NT5DC4: variants seen among roughly 807,000 people sequenced by gnomAD.
NT5DC4 encodes the protein 5'-nucleotidase domain containing 4.
A neutral mutation model predicts 26.6 loss-of-function variants in NT5DC4; 44 were observed. That is an observed-to-expected ratio of 1.65 (90% confidence interval 1.30 to 2.13). The LOEUF is 2.13. NT5DC4 is among the 30% of genes most tolerant of loss of function. The pLI is 0.00. For synonymous variants in NT5DC4, 157 were observed against 86.7 expected, an observed-to-expected ratio of 1.81 and a Z score of -4.51; for missense variants, 399 against 228.1, an observed-to-expected ratio of 1.75 and a Z score of -4.83.
At position 112,722,649 on chromosome 2, in the gene NT5DC4, C is replaced by G; in HGVS notation, c.469+60C>G. On this transcript the variant is annotated intron_variant, in intron 5 of 16. Coordinates refer to ENST00000688554, the MANE Select transcript of NT5DC4 (RefSeq NM_001393655.1). Reference sequence around the variant, plus strand: ...TGAGTTCCGGAGCTGAGGGTCCCAGCTCTGTCCTGGTGGAGAACTGTCTGG... The same window carrying G: ...TGAGTTCCGGAGCTGAGGGTCCCAGGTCTGTCCTGGTGGAGAACTGTCTGG... The G allele has an allele frequency of 4.2e-6, 3 of 717,454 alleles. No homozygotes were observed. In the South Asian group the frequency reaches 4.4e-5, roughly 11 times the overall value. 44.4% of individuals were successfully genotyped at this position (717,454 alleles called of 1,614,324 possible).
downstream of NT5DC4, chr2:112,741,117 T>A: frequency 1.3e-6 from 1 of 743,304 alleles, no homozygotes; most frequent in East Asian, 2.5e-5. Context: ...GTGATCTTCA[T>A]GGGCTCCACA....
At chr2:112,733,077 G>A (rs1333487978) in intron 16 of NT5DC4, among the ~76,000 whole-genome samples, 1 of 152,078 alleles carries the variant, frequency 6.6e-6, no homozygotes, top group African/African-American at 2.4e-5. Flanking sequence ...GGAAAGGGCA[G>A]GACAAAGAAT....
chr2:112,718,974 C>T (rs62157390), upstream of NT5DC4, among the ~76,000 whole-genome samples: 21,972 of 152,222 alleles, frequency 0.14, 2,123 homozygotes, highest in East Asian at 0.51. Context: ...AAACACATAT[C>T]CTACAGCCTC....
At chr2:112,733,607 G>A (rs938093721) in intron 16 of NT5DC4, among the ~76,000 whole-genome samples, 3 of 152,236 alleles carry the variant, frequency 2.0e-5, no homozygotes, top group African/African-American at 4.8e-5. Flanking sequence ...CCACATGGAC[G>A]AGGCTGCCTC....
intron 13 of NT5DC4, among the ~76,000 whole-genome samples, chr2:112,725,964 T>G (rs1418987919): frequency 6.6e-6 from 1 of 151,500 alleles, no homozygotes; most frequent in African/African-American, 2.4e-5. Context: ...AATTTGGGCT[T>G]TGTCCTGAGA....
chr2:112,735,489 C>A lies in NT5DC4; in HGVS notation c.1345-3424C>A, dbSNP rs912782062. ...AGATGCTATATATAATCCTCCCCCCCCTTTTTTTCTTTCTTTAAAACTTGC... is the reference window on the plus strand; with the variant it reads ...AGATGCTATATATAATCCTCCCCCCACTTTTTTTCTTTCTTTAAAACTTGC... On this transcript the variant is annotated intron_variant, in intron 16 of 16. Coordinates refer to ENST00000688554, the MANE Select transcript of NT5DC4 (RefSeq NM_001393655.1). Among the ~76,000 whole-genome samples, 84 of 121,508 alleles carry A rather than the reference C, an allele frequency of 6.9e-4. 1 individual carries two copies. Among genetic ancestry groups the A allele is most frequent in the African/African-American group, 1.7e-3 (68 of 40,586 alleles). 79.7% of individuals were successfully genotyped at this position (121,508 alleles called of 152,430 possible).
At chr2:112,742,746 A>C, downstream of NT5DC4, 1 of 1,609,466 alleles carries the variant, frequency 6.2e-7, no homozygotes, top group African/African-American at 1.3e-5. Flanking sequence ...TATTAAGAAC[A>C]ACTTTCCGCA....
chr2:112,724,774 C>G lies in NT5DC4; in HGVS notation c.790-7C>G, dbSNP rs1299007363. 1 of 716,798 alleles carries G rather than the reference C, an allele frequency of 1.4e-6. No individual in the cohort carries two copies. Among genetic ancestry groups the G allele is most frequent in the African/African-American group, 1.7e-5 (1 of 57,178 alleles). 44.4% of individuals were successfully genotyped at this position (716,798 alleles called of 1,614,324 possible). On this transcript the variant is annotated splice_polypyrimidine_tract_variant and splice_region_variant and intron_variant, in intron 10 of 16. Transcript: ENST00000688554. Reference sequence around the variant, plus strand: ...GTGTGTGTGCAGCCCGTGTGCACCCCCAACAGGCTGAAGCCTCGGGCAGGC... The same window carrying G: ...GTGTGTGTGCAGCCCGTGTGCACCCGCAACAGGCTGAAGCCTCGGGCAGGC...
downstream of NT5DC4, among the ~76,000 whole-genome samples, chr2:112,741,927 A>AT (rs1401048403): frequency 7.2e-6 from 1 of 137,952 alleles, no homozygotes; most frequent in Non-Finnish European, 1.6e-5. Flanking sequence ...CAACTGGCTA[A>AT]TTTTTCTTTT....
At chr2:112,733,001 C>T (rs954993521) in intron 16 of NT5DC4, among the ~76,000 whole-genome samples, 5 of 152,168 alleles carry the variant, frequency 3.3e-5, no homozygotes, top group African/African-American at 7.2e-5. Context: ...CTGGCATCTA[C>T]GTACCTGTGT....
Position 112,725,440 on chromosome 2 carries a change from T to G in NT5DC4, c.1041T>G (p.Ile347Met). 2 of 717,166 alleles carry G rather than the reference T, an allele frequency of 2.8e-6. No homozygotes were observed. The highest frequency in any genetic ancestry group is 2.6e-6 in the Non-Finnish European group (1 of 384,966). 44.4% of individuals were successfully genotyped at this position (717,166 alleles called of 1,614,324 possible). A position where few individuals can be genotyped will look rare whatever the true frequency, so the allele number is the denominator to read the frequency against. Residue 347 changes from isoleucine to methionine, a missense_variant, in exon 13 of 17, where the codon ATT (isoleucine) becomes ATG (methionine). Ile to Met is a conservative substitution (Grantham distance 10). Transcript: ENST00000688554. ...TTCGGGGGATGGACATCCTGTACAT[T>G]GGGGACCACATTTTTGGGGACATTC... Reference protein sequence around the residue: ...LGVRGMDILYIGDHIFGDILK... With the variant: ...LGVRGMDILYMGDHIFGDILK...
At chr2:112,733,652 TG>T (rs1678738489) in intron 16 of NT5DC4, among the ~76,000 whole-genome samples, 1 of 152,206 alleles carries the variant, frequency 6.6e-6, no homozygotes, top group Non-Finnish European at 1.5e-5. Flanking sequence ...AGACATAGGC[TG>T]GGCTTGGCAG....
At chr2:112,738,418 G>A (rs779845465) in intron 16 of NT5DC4, 5 of 179,022 alleles carry the variant, frequency 2.8e-5, no homozygotes, top group South Asian at 2.4e-4. Context: ...TCAAGCTAGC[G>A]TCAAAGTTCA....
Position 112,721,976 on chromosome 2 carries a change from G to C in NT5DC4, c.149-10G>C. The C allele has an allele frequency of 1.4e-6, 1 of 717,254 alleles. No homozygotes were observed. The highest frequency in any genetic ancestry group is 1.5e-5 in the South Asian group (1 of 67,604). 44.4% of individuals were successfully genotyped at this position (717,254 alleles called of 1,614,324 possible). A position where few individuals can be genotyped will look rare whatever the true frequency, so the allele number is the denominator to read the frequency against. On this transcript the variant is annotated splice_polypyrimidine_tract_variant and intron_variant, in intron 2 of 16. Transcript: ENST00000688554. ...GCACCAAAGCCCTGATTCTGTCCGG[G>C]CCTCTGCAGCCTACAAGTCCCCAGC...
chr2:112,719,548 C>T (rs1466849012), upstream of NT5DC4, among the ~76,000 whole-genome samples: 2 of 134,632 alleles, frequency 1.5e-5, no homozygotes, highest in East Asian at 4.6e-4. Context: ...TGCAGTGGCA[C>T]GATCTTGGAT....
chr2:112,723,368 C>CACACACACAA (rs1417012344), intron 7 of NT5DC4, 50 bp from the exon 8 acceptor site: 11 of 701,244 alleles, frequency 1.6e-5, no homozygotes, highest in African/African-American at 1.4e-4. Flanking sequence ...CATGCACACA[C>CACACACACAA]ACACACACAC....
At chr2:112,719,930 CTTTCTTTCTTTCTTTCTTTCTT>C (rs1676700006), upstream of NT5DC4, among the ~76,000 whole-genome samples, 3 of 47,176 alleles carry the variant, frequency 6.4e-5, no homozygotes, top group African/African-American at 2.6e-4. Context: ...CTTTCTCTTT[CTTTCTTTCTTTCTTTCTTTCTT>C]TCTTTCTTTC....
upstream of NT5DC4, among the ~76,000 whole-genome samples, chr2:112,720,524 GC>G (rs1336183448): frequency 3.9e-5 from 6 of 152,126 alleles, no homozygotes; most frequent in Non-Finnish European, 8.8e-5. Flanking sequence ...CAGTGGTTCT[GC>G]TTTTTGACAC....
At chr2:112,720,591 T>G (rs2104693157), upstream of NT5DC4, among the ~76,000 whole-genome samples, 1 of 152,340 alleles carries the variant, frequency 6.6e-6, no homozygotes, top group Non-Finnish European at 1.5e-5. Flanking sequence ...ATCTTCCCAA[T>G]TCTTATAGCC....
Sources: allele counts gnomAD v4.1 joint callset (sites outside exome capture counted in the v4.1 genomes callset), GRCh38; gene constraint gnomAD v4.1.1; transcripts MANE v1.5; gene names NCBI Gene and HGNC (gene_info 2026-07-23, HGNC 2026-07-21).